CDH12: variants seen among roughly 807,000 people sequenced by gnomAD.
The protein encoded by CDH12 is cadherin-12.
A neutral mutation model predicts 74.1 loss-of-function variants in CDH12; 41 were observed. That is an observed-to-expected ratio of 0.55 (90% CI 0.43 to 0.72). The LOEUF (loss-of-function observed/expected upper bound fraction) is 0.72. Among genes scored for constraint, CDH12 ranks in the 30% least tolerant of loss-of-function variants. The probability of loss-of-function intolerance (pLI) is 0.00; values close to 1 mark genes in which losing one functional copy is unlikely to be tolerated. For missense variants in CDH12, 945 were observed against 977.2 expected (o/e 0.97, Z 0.44); for synonymous variants, 399 against 355.0 (o/e 1.12, Z -1.39).
At chr5:22,117,489 T>TATATTATA (rs1491147762) in intron 4 of CDH12, among the ~76,000 whole-genome samples, 119 of 48,570 alleles carry the variant, frequency 2.5e-3, no homozygotes, top group African/African-American at 8.4e-3. Flanking sequence ...TATATATATA[T>TATATTATA]TATATATATA....
chr5:22,786,991 C>A (rs77740621), intron 1 of CDH12, among the ~76,000 whole-genome samples: 1,607 of 152,076 alleles, frequency 0.011, 10 homozygotes, highest in Non-Finnish European at 0.017. Context: ...TCAGCCCTCA[C>A]ACCTTTTTGA....
chr5:22,694,943 T>C (rs1742273542), intron 1 of CDH12, among the ~76,000 whole-genome samples: 1 of 152,090 alleles, frequency 6.6e-6, no homozygotes, highest in South Asian at 2.1e-4. Flanking sequence ...ATCTAGGTTT[T>C]AAGCCCCGCA....
rs550127863 is a variant in CDH12, at chr5:22,112,430, A to G, written c.-186-33568T>C. On this transcript the variant is annotated intron_variant, in intron 4 of 14. Coordinates refer to ENST00000382254, the MANE Select transcript of CDH12 (RefSeq NM_004061.5). ...TTTGGCCACACTTGCCACATACAACAAGCCCACTTTTGATTATGTTTTTTA... is the reference window on the plus strand; with the variant it reads ...TTTGGCCACACTTGCCACATACAACGAGCCCACTTTTGATTATGTTTTTTA... 1.5e-4 allele frequency among the ~76,000 whole-genome samples: 23 copies of G among 152,288 alleles called. No homozygotes were observed. The South Asian group carries it at 4.3e-3, about 29-fold the overall frequency.
At chr5:22,159,438 T>C (rs1323728776) in intron 4 of CDH12, among the ~76,000 whole-genome samples, 1 of 152,136 alleles carries the variant, frequency 6.6e-6, no homozygotes, top group East Asian at 1.9e-4. Context: ...TGTGGCAGCA[T>C]GTTTTTCTGC....
intron 1 of CDH12, among the ~76,000 whole-genome samples, chr5:22,832,425 T>C (rs1394290669): frequency 6.6e-6 from 1 of 152,118 alleles, no homozygotes; most frequent in Non-Finnish European, 1.5e-5. Context: ...GGCCACGGCT[T>C]TAGGTGCCCA....
At chr5:22,173,160 A>G (rs1282304112) in intron 4 of CDH12, among the ~76,000 whole-genome samples, 2 of 150,656 alleles carry the variant, frequency 1.3e-5, no homozygotes, top group Non-Finnish European at 3.0e-5. Flanking sequence ...TACTTTTGGT[A>G]GTGGTGGTGG....
chr5:22,506,909 G>A (rs1185474981), intron 1 of CDH12, among the ~76,000 whole-genome samples: 1 of 151,908 alleles, frequency 6.6e-6, no homozygotes, highest in Non-Finnish European at 1.5e-5. Context: ...TAAATAAACA[G>A]CATTTTGGGT....
chr5:22,247,795 T>C (rs1046216961), intron 3 of CDH12, among the ~76,000 whole-genome samples: 2 of 152,230 alleles, frequency 1.3e-5, no homozygotes, highest in African/African-American at 4.8e-5. Context: ...ACTATTTTAT[T>C]ATAGAAATGA....
intron 1 of CDH12, among the ~76,000 whole-genome samples, chr5:22,606,492 TAGTG>T (rs1188893148): frequency 1.3e-5 from 2 of 152,140 alleles, no homozygotes; most frequent in East Asian, 1.9e-4. Flanking sequence ...GTTCTCATGA[TAGTG>T]AGTGAGTTCT....
At chr5:22,025,878 TAA>T (rs1177678373) in intron 5 of CDH12, among the ~76,000 whole-genome samples, 27 of 152,168 alleles carry the variant, frequency 1.8e-4, no homozygotes, top group Non-Finnish European at 1.5e-5. Context: ...CCTCATTCAT[TAA>T]AGTTTAATCA....
intron 3 of CDH12, among the ~76,000 whole-genome samples, chr5:22,296,870 G>A (rs1250387274): frequency 6.6e-6 from 1 of 152,038 alleles, no homozygotes; most frequent in Non-Finnish European, 1.5e-5. Flanking sequence ...CCTATGTATA[G>A]CACCATTAAA....
chr5:22,752,548 T>G (rs1684302404), intron 1 of CDH12, among the ~76,000 whole-genome samples: 1 of 17,828 alleles, frequency 5.6e-5, no homozygotes, highest in African/African-American at 1.5e-4. Context: ...GATACTTCTT[T>G]TTTTTTTTTT....
At chr5:22,779,630 C>T (rs532157010) in intron 1 of CDH12, among the ~76,000 whole-genome samples, 17 of 152,170 alleles carry the variant, frequency 1.1e-4, no homozygotes, top group South Asian at 4.1e-4. Context: ...TTCCCCATGC[C>T]GGTCTTGTGA....
intron 5 of CDH12, among the ~76,000 whole-genome samples, chr5:22,038,830 T>C (rs561989486): frequency 6.6e-6 from 1 of 152,268 alleles, no homozygotes; most frequent in South Asian, 2.1e-4. Context: ...ATCAAGTTGA[T>C]GTGGTACCCC....
rs779043760 is a variant in CDH12 at position 21,783,501 on chromosome 5, A to G, written c.1257-7T>C. 11 of 1,598,990 alleles carry G rather than the reference A, an allele frequency of 6.9e-6. No individual in the cohort carries two copies. In the East Asian group the frequency reaches 2.0e-4, roughly 29 times the overall value. On this transcript the variant is annotated splice_region_variant and splice_polypyrimidine_tract_variant and intron_variant, in intron 10 of 14. Transcript: ENST00000382254. Reference sequence around the variant, plus strand: ...CTTCCAATCTATGAAGTACCTGTATATGAAAAGAGTAGATGCAAATGTGCA... The same window carrying G: ...CTTCCAATCTATGAAGTACCTGTATGTGAAAAGAGTAGATGCAAATGTGCA...
chr5:22,689,592 A>G (rs1410201122), intron 1 of CDH12, among the ~76,000 whole-genome samples: 4 of 147,912 alleles, frequency 2.7e-5, no homozygotes, highest in Non-Finnish European at 1.5e-5. Context: ...TTATTCCTAT[A>G]TATTGCAAGA....
intron 1 of CDH12, among the ~76,000 whole-genome samples, chr5:22,506,672 G>A (rs879555244): frequency 1.3e-5 from 2 of 151,738 alleles, no homozygotes; most frequent in Non-Finnish European, 2.9e-5. Context: ...CTGACTACTA[G>A]TTATGGTTCC....
At chr5:22,268,166 C>A (rs2150398345) in intron 3 of CDH12, among the ~76,000 whole-genome samples, 2 of 152,160 alleles carry the variant, frequency 1.3e-5, no homozygotes, top group East Asian at 3.9e-4. Context: ...TAGTAATAGT[C>A]ACTTAGAATG....
intron 6 of CDH12, among the ~76,000 whole-genome samples, chr5:21,904,201 C>A (rs1753529413): frequency 6.6e-6 from 1 of 152,020 alleles, no homozygotes. Context: ...TGTTTGGGTT[C>A]TTTTTCATTG....
Sources: gnomAD v4.1 joint callset for allele counts (sites outside exome capture counted in the v4.1 genomes callset) on GRCh38, gnomAD v4.1.1 for gene constraint, MANE v1.5 for transcripts, NCBI Gene and HGNC (gene_info 2026-07-23, HGNC 2026-07-21) for gene names.